The following WDR17 variants were observed in gnomAD, a reference collection of about 807,000 sequenced individuals.
WDR17 encodes the protein WD repeat domain 17.
WDR17 carries 143 observed loss-of-function variants against 161.7 expected under a neutral mutation model. The ratio of observed to expected loss-of-function variants is 0.88; its 90% CI spans 0.77 to 1.02. WDR17 has a LOEUF of 1.02. Among genes scored for constraint, WDR17 ranks in the 50% least tolerant of loss-of-function variants. The pLI, the probability that WDR17 is intolerant of heterozygous loss-of-function variation, is 0.00. For missense variants in WDR17, 1,469 were observed against 1,520.9 expected (o/e 0.97, Z 0.57); for synonymous variants, 517 against 515.6 (o/e 1.00, Z -0.04).
intron 1 of WDR17, among the ~76,000 whole-genome samples, chr4:176,076,196 C>T (rs1358184600): frequency 1.3e-5 from 1 of 79,670 alleles, no homozygotes. Flanking sequence ...GGATAGTTAA[C>T]TGTATGTTTA....
chr4:176,124,223 A>T (rs1029392044), intron 4 of WDR17, among the ~76,000 whole-genome samples: 1 of 152,212 alleles, frequency 6.6e-6, no homozygotes, highest in Non-Finnish European at 1.5e-5. Context: ...CTCTAACTAG[A>T]TGCTTCACTG....
Position 176,137,598 on chromosome 4 carries a change from A to G in WDR17, c.1346A>G (p.Gln449Arg). The G allele has an allele frequency of 6.3e-7, 1 of 1,593,128 alleles. No individual in the cohort carries two copies. The highest frequency in any genetic ancestry group is 1.7e-5 in the Admixed American group (1 of 59,316). The change falls in exon 9 of 29, where the codon CAA becomes CGA. Residue 449 changes from glutamine to arginine, a missense_variant. Physicochemically the swap from Gln to Arg is conservative, Grantham distance 43. Transcript: ENST00000508596. ...AATGTTCAAAAGGGCAAAATTATAC[A>G]ACGATTTAATGAGGTAAGATTTATT... Reference protein sequence around the residue: ...IWNVQKGKIIQRFNEHGTNGI... With the variant: ...IWNVQKGKIIRRFNEHGTNGI...
At chr4:176,177,712 T>G in intron 28 of WDR17, 58 bp downstream of exon 28, 1 of 1,513,134 alleles carries the variant, frequency 6.6e-7, no homozygotes, top group Non-Finnish European at 8.8e-7. Flanking sequence ...GTTTACTTTT[T>G]GAAATATCTT....
At chr4:176,165,854 C>A (rs1749696960) in intron 22 of WDR17, among the ~76,000 whole-genome samples, 1 of 152,108 alleles carries the variant, frequency 6.6e-6, no homozygotes, top group South Asian at 2.1e-4. Flanking sequence ...CCCAACAATT[C>A]TTTTTTAATA....
chr4:176,150,793 G>A (rs1746991237), intron 16 of WDR17, among the ~76,000 whole-genome samples, 200 bp downstream of exon 16: 2 of 152,170 alleles, frequency 1.3e-5, no homozygotes, highest in Non-Finnish European at 1.5e-5. Context: ...GGTTATCATA[G>A]GTTGAGTCTC....
At chr4:176,120,310 ATATATAT>A (rs1391632394) in intron 4 of WDR17, among the ~76,000 whole-genome samples, 63 of 117,196 alleles carry the variant, frequency 5.4e-4, no homozygotes, top group African/African-American at 1.9e-3. Flanking sequence ...ATATATATAT[ATATATAT>A]ATAATACATT....
In WDR17 at chr4:176,089,366, C is replaced by A. The variant is rs148003333; in HGVS notation, c.-6-22209C>A. Among the ~76,000 whole-genome samples the A allele has an allele frequency of 9.8e-3, 1,495 of 152,180 alleles. 18 individuals carry two copies. The highest frequency in any genetic ancestry group is 0.017 in the Middle Eastern group (5 of 294). ...GCAATATGTATCCTTTTATGTTTGACTTTTGATTATCATAGTTCATTCTAA... is the reference window on the plus strand; with the variant it reads ...GCAATATGTATCCTTTTATGTTTGAATTTTGATTATCATAGTTCATTCTAA... On this transcript the variant is annotated intron_variant, in intron 1 of 28. Coordinates refer to ENST00000508596, the MANE Select transcript of WDR17 (RefSeq NM_181265.4).
chr4:176,073,683 G>A (rs1733557932), intron 1 of WDR17, among the ~76,000 whole-genome samples: 1 of 148,402 alleles, frequency 6.7e-6, no homozygotes, highest in South Asian at 2.2e-4. Context: ...TCGCCACACT[G>A]ACTTCCACAA....
intron 1 of WDR17, among the ~76,000 whole-genome samples, chr4:176,075,232 T>C (rs1458521034): frequency 1.3e-5 from 2 of 152,036 alleles, no homozygotes; most frequent in Non-Finnish European, 2.9e-5. Context: ...ATAATTTTTG[T>C]AATTTCATGC....
At chr4:176,139,811 T>C (rs1401458463) in intron 9 of WDR17, 81 bp from the exon 10 acceptor site, 9 of 1,161,092 alleles carry the variant, frequency 7.8e-6, no homozygotes, top group Non-Finnish European at 1.1e-5. Flanking sequence ...AACAGAAAAG[T>C]AATACTTAGA....
intron 1 of WDR17, among the ~76,000 whole-genome samples, chr4:176,095,949 A>G (rs1736789368): frequency 1.3e-5 from 2 of 152,152 alleles, no homozygotes; most frequent in African/African-American, 4.8e-5. Flanking sequence ...ACGTATTAGC[A>G]CTGTATTAAA....
chr4:176,134,295 C>T (rs185213341), intron 7 of WDR17, among the ~76,000 whole-genome samples: 10 of 151,792 alleles, frequency 6.6e-5, no homozygotes, highest in Middle Eastern at 3.4e-3. Context: ...ACTTCAACTC[C>T]GTCTCTAGAT....
chr4:176,151,562 T>C (rs1473634568), intron 16 of WDR17, among the ~76,000 whole-genome samples: 1 of 152,216 alleles, frequency 6.6e-6, no homozygotes, highest in African/African-American at 2.4e-5. Context: ...TTTTTTTAAA[T>C]TTTTAATTAT....
chr4:176,155,716 AATATAT>A (rs113370958), intron 17 of WDR17, among the ~76,000 whole-genome samples: 3 of 130,294 alleles, frequency 2.3e-5, no homozygotes, highest in African/African-American at 3.0e-5. Flanking sequence ...GACTAATTAA[AATATAT>A]ATATATATAT....
chr4:176,150,282 C>T (rs1746908023), intron 15 of WDR17, 109 bp downstream of exon 15: 1 of 1,504,828 alleles, frequency 6.6e-7, no homozygotes, highest in South Asian at 1.3e-5. Flanking sequence ...CATTGGGTAA[C>T]TCTTACCATA....
chr4:176,085,235 T>G (rs888790605), intron 1 of WDR17, among the ~76,000 whole-genome samples: 1 of 152,128 alleles, frequency 6.6e-6, no homozygotes, highest in African/African-American at 2.4e-5. Flanking sequence ...ATTAACTCCA[T>G]GTATCTTTAC....
At chr4:176,075,212 AT>A (rs922294903) in intron 1 of WDR17, among the ~76,000 whole-genome samples, 2 of 151,538 alleles carry the variant, frequency 1.3e-5, no homozygotes, top group African/African-American at 4.8e-5. Context: ...AAAATTCAAG[AT>A]TTTGTTTCAT....
At chr4:176,161,954 A>T in intron 20 of WDR17, 121 bp from the exon 21 acceptor site, 1 of 836,308 alleles carries the variant, frequency 1.2e-6, no homozygotes, top group Non-Finnish European at 1.8e-6. Context: ...ACAAGTCTTT[A>T]AAGCAAGCAT....
chr4:176,150,415 A>G (rs1579196010), intron 15 of WDR17, 53 bp from the exon 16 acceptor site: 1 of 1,559,912 alleles, frequency 6.4e-7, no homozygotes, highest in East Asian at 2.3e-5. Flanking sequence ...GATGCAAAAT[A>G]TTATGAGGTT....
Sources: gnomAD v4.1 joint callset for allele counts (sites outside exome capture counted in the v4.1 genomes callset) on GRCh38, gnomAD v4.1.1 for gene constraint, MANE v1.5 for transcripts, NCBI Gene and HGNC (gene_info 2026-07-23, HGNC 2026-07-21) for gene names.